Variants in TDRD12 observed in about 807,000 individuals in gnomAD.
TDRD12 encodes putative ATP-dependent RNA helicase TDRD12.
TDRD12 carries 158 observed loss-of-function variants against 133.5 expected under a neutral mutation model. The ratio of observed to expected loss-of-function variants is 1.18; its 90% CI spans 1.04 to 1.35. TDRD12 has a LOEUF of 1.35. TDRD12 is among the 40% of genes most tolerant of loss of function. TDRD12 has a pLI of 0.00. For missense variants in TDRD12, 1,443 were observed against 1,321.3 expected (o/e 1.09, Z -1.43); for synonymous variants, 460 against 477.9 (o/e 0.96, Z 0.49).
At chr19:32,747,749 C>G (rs187738027) in intron 4 of TDRD12, among the ~76,000 whole-genome samples, 2 of 152,300 alleles carry the variant, frequency 1.3e-5, no homozygotes, top group Admixed American at 1.3e-4. Context: ...TAGCTCACGC[C>G]TGTAATCCCA....
chr19:32,731,273 A>C (rs1969042453), intron 1 of TDRD12, among the ~76,000 whole-genome samples: 1 of 152,126 alleles, frequency 6.6e-6, no homozygotes, highest in Non-Finnish European at 1.5e-5. Flanking sequence ...GAAGAATACA[A>C]ATCAGGCACA....
At chr19:32,793,344 G>A (rs74834050) in intron 13 of TDRD12, among the ~76,000 whole-genome samples, 14,251 of 152,178 alleles carry the variant, frequency 0.094, 960 homozygotes, top group Non-Finnish European at 0.15. Flanking sequence ...TTGTCAAGAA[G>A]ATATTAAAAT....
Position 32,749,648 on chromosome 19 carries a change from C to A in TDRD12, c.497-136C>A, listed in dbSNP as rs548435270. The A allele has an allele frequency of 1.5e-5, 9 of 612,430 alleles. No individual in the cohort carries two copies. The South Asian group carries it at 1.8e-4, about 12-fold the overall frequency. The allele number at this position is 612,430 out of a possible 1,614,324, so 37.9% of individuals were successfully genotyped here. A position where few individuals can be genotyped will look rare whatever the true frequency, so the allele number is the denominator to read the frequency against. ...CAGGAGTGCCTTTTCCTAACATGCT[C>A]CCCCTGGTCCTGCCCGAGGAAGACA... is the stretch of plus-strand genomic sequence containing the variant. On this transcript the variant is annotated intron_variant, in intron 5 of 27. Transcript: ENST00000444215.
At chr19:32,760,023 C>T (rs1032526930) in intron 8 of TDRD12, among the ~76,000 whole-genome samples, 7 of 152,210 alleles carry the variant, frequency 4.6e-5, no homozygotes, top group African/African-American at 1.7e-4. Context: ...CAGAAGGTAG[C>T]ACCTGTTGTT....
At chr19:32,775,386 A>G (rs1199072384) in intron 10 of TDRD12, among the ~76,000 whole-genome samples, 1 of 152,166 alleles carries the variant, frequency 6.6e-6, no homozygotes, top group Non-Finnish European at 1.5e-5. Context: ...TCTCAAGTGC[A>G]GTGGAGCAAT....
chr19:32,762,632 C>T (rs1469253436), intron 8 of TDRD12, among the ~76,000 whole-genome samples: 7 of 152,214 alleles, frequency 4.6e-5, no homozygotes, highest in Non-Finnish European at 8.8e-5. Context: ...TGCACCTCAA[C>T]AGCGGGGCCA....
chr19:32,730,305 C>T (rs1239894311), intron 1 of TDRD12, among the ~76,000 whole-genome samples: 1 of 152,142 alleles, frequency 6.6e-6, no homozygotes, highest in Non-Finnish European at 1.5e-5. Flanking sequence ...ATGACTTTCT[C>T]CTTGAATTGC....
At position 32,746,250 on chromosome 19, in the gene TDRD12, C is replaced by G. The variant is rs374499922; in HGVS notation, c.441-2226C>G. 3.5e-3 allele frequency among the ~76,000 whole-genome samples: 414 copies of G among 119,962 alleles called. 4 individuals carry two copies. The highest frequency in any genetic ancestry group is 0.012 in the African/African-American group (381 of 31,010). The allele number at this position is 119,962 out of a possible 152,430, so 78.7% of individuals were successfully genotyped here. A position where few individuals can be genotyped will look rare whatever the true frequency, so the allele number is the denominator to read the frequency against. On this transcript the variant is annotated intron_variant, in intron 4 of 27. Transcript: ENST00000444215. ...AGAGAGTCTGGCTGATGTGGTTATT[C>G]TGTGTGTGTGAGAGAGAGAGAGTCT...
chr19:32,720,856 C>A (rs1413886876), intron 1 of TDRD12, among the ~76,000 whole-genome samples: 2 of 111,308 alleles, frequency 1.8e-5, no homozygotes, highest in Non-Finnish European at 3.6e-5. Flanking sequence ...GCACCCCGGG[C>A]TGGGAGCTGG....
chr19:32,777,264 G>T, intron 11 of TDRD12, 35 bp downstream of exon 11: 2 of 1,205,138 alleles, frequency 1.7e-6, no homozygotes, highest in South Asian at 3.0e-5. Flanking sequence ...ATTGTGTATT[G>T]AAATAATTAT....
chr19:32,807,624 C>T (rs1971590953), exon 22 of TDRD12: 1 of 1,535,360 alleles, frequency 6.5e-7, no homozygotes, highest in Admixed American at 2.0e-5. Flanking sequence ...CCAGCCAAGC[C>T]CTACCTTCAT....
At chr19:32,759,429 GA>G (rs1970089579) in intron 8 of TDRD12, among the ~76,000 whole-genome samples, 1 of 146,750 alleles carries the variant, frequency 6.8e-6, no homozygotes, top group Non-Finnish European at 1.5e-5. Context: ...TTTTTTTTTT[GA>G]GACGGGGTCT....
chr19:32,818,856 C>A (rs1305300157), intron 27 of TDRD12, among the ~76,000 whole-genome samples: 1 of 151,636 alleles, frequency 6.6e-6, no homozygotes, highest in Admixed American at 6.6e-5. Flanking sequence ...GAGTGAGGAC[C>A]AAGACAGACA....
At chr19:32,822,785 T>C (rs1967448810), downstream of TDRD12, among the ~76,000 whole-genome samples, 1 of 151,252 alleles carries the variant, frequency 6.6e-6, no homozygotes, top group South Asian at 2.1e-4. Context: ...CCAAGCCCCT[T>C]GTGGAAGGAG....
rs546455725 is a variant in TDRD12, at chr19:32,760,737, C to T, written c.865+3607C>T. Among the ~76,000 whole-genome samples, 7 of 152,286 alleles carry T rather than the reference C, an allele frequency of 4.6e-5. No homozygotes were observed. In the East Asian group the frequency reaches 1.2e-3, roughly 25 times the overall value. On this transcript the variant is annotated intron_variant, in intron 8 of 27. Transcript: ENST00000444215. ...TCATTCATTCATCAGATATTTATGA[C>T]GCCCTCACTGTCAGGTGCTTTTCTA...
At chr19:32,821,393 T>TGC (rs1486417415), downstream of TDRD12, 1,013 of 413,740 alleles carry the variant, frequency 2.4e-3, 3 homozygotes, top group South Asian at 0.02. Context: ...TGTGTGTGTG[T>TGC]GTGTGTGTGT....
At chr19:32,820,916 A>C in intron 27 of TDRD12, 117 bp from the exon 28 acceptor site, 4 of 715,988 alleles carry the variant, frequency 5.6e-6, no homozygotes, top group Non-Finnish European at 9.2e-6. Flanking sequence ...CATAAGCTCT[A>C]CGTGGGTCTG....
chr19:32,810,402 G>A (rs1966962366), intron 23 of TDRD12, 125 bp downstream of exon 23: 10 of 761,036 alleles, frequency 1.3e-5, no homozygotes, highest in South Asian at 4.8e-5. Context: ...ACAGCGGGGT[G>A]TCCCCCCAGA....
At chr19:32,741,765 C>T (rs147122774) in intron 3 of TDRD12, among the ~76,000 whole-genome samples, 4 of 152,094 alleles carry the variant, frequency 2.6e-5, no homozygotes, top group Non-Finnish European at 5.9e-5. Context: ...AGTGGTTTTT[C>T]GGCCAGGGGT....
Sources: allele counts gnomAD v4.1 joint callset (sites outside exome capture counted in the v4.1 genomes callset), GRCh38; gene constraint gnomAD v4.1.1; transcripts MANE v1.5; gene names NCBI Gene and HGNC (gene_info 2026-07-23, HGNC 2026-07-21).